The following DMD variants were observed in gnomAD, a reference collection of about 807,000 sequenced individuals.
DMD encodes mutant dystrophin.
Under a neutral mutation model 330.1 loss-of-function variants are expected in DMD, and 63 were observed. The ratio of observed to expected loss-of-function variants is 0.19; its 90% confidence interval spans 0.16 to 0.24. The LOEUF is 0.24. DMD is among the 10% of genes least tolerant of loss of function. DMD has a pLI of 1.00. For missense variants in DMD, 3,344 were observed against 2,684.1 expected (o/e 1.25, Z -5.43); for synonymous variants, 1,223 against 959.8 (o/e 1.27, Z -5.07).
chrX:31,958,096 GTTTTTTT>G (rs745655022), intron 45 of DMD, among the ~76,000 whole-genome samples: 1 of 74,594 alleles, frequency 1.3e-5, no homozygotes, highest in African/African-American at 5.2e-5. Flanking sequence ...CATTTGGCCT[GTTTTTTT>G]TTTTTTTTTT....
chrX:31,510,441 GT>G, intron 55 of DMD, among the ~76,000 whole-genome samples: 1 of 108,271 alleles, frequency 9.2e-6, no homozygotes, highest in Non-Finnish European at 1.9e-5. Flanking sequence ...GCATTCTTGA[GT>G]TTGATAAAAT....
intron 60 of DMD, among the ~76,000 whole-genome samples, chrX:31,407,809 G>A (rs943122755): frequency 9.0e-6 from 1 of 110,777 alleles, no homozygotes; most frequent in African/African-American, 3.3e-5. Context: ...ATCACTCAAC[G>A]TACAGCTCAA....
chrX:32,019,721 A>T (rs2095793750), intron 44 of DMD, among the ~76,000 whole-genome samples: 1 of 112,317 alleles, frequency 8.9e-6, no homozygotes, highest in African/African-American at 3.2e-5. Flanking sequence ...TTTGTTCCTA[A>T]GTCTTGTGTT....
rs553024876 is a variant in DMD, at chrX:32,441,807, C to T, written c.3787-493G>A. Among the ~76,000 whole-genome samples the T allele has an allele frequency of 1.0e-3, 111 of 111,375 alleles. 1 individual carries two copies. The highest frequency in any genetic ancestry group is 3.0e-3 in the African/African-American group (94 of 30,911). ...AAGAAGACATATTTTTAATGAAAATCTAAGACTTCTTTAAAGTGGCTCTAT... is the reference window on the plus strand; with the variant it reads ...AAGAAGACATATTTTTAATGAAAATTTAAGACTTCTTTAAAGTGGCTCTAT... On this transcript the variant is annotated intron_variant, in intron 27 of 78. Transcript: ENST00000357033.
intron 7 of DMD, among the ~76,000 whole-genome samples, chrX:32,705,584 C>A (rs1603207974): frequency 9.0e-6 from 1 of 111,572 alleles, no homozygotes; most frequent in African/African-American, 3.3e-5. Flanking sequence ...GAGGACGAGG[C>A]AGGTGCATCG....
intron 25 of DMD, among the ~76,000 whole-genome samples, chrX:32,459,032 C>T (rs904618463): frequency 1.8e-5 from 2 of 110,376 alleles, no homozygotes; most frequent in Non-Finnish European, 3.8e-5. Context: ...AAAATGATGC[C>T]CAAAGGATAC....
At chrX:32,384,130 A>G (rs750150499) in intron 33 of DMD, among the ~76,000 whole-genome samples, 1 of 110,724 alleles carries the variant, frequency 9.0e-6, no homozygotes, top group East Asian at 2.8e-4. Context: ...TATAATTACA[A>G]AAACAATATA....
Position 31,275,155 on chromosome X carries a change from TTGTGTGTGTGTGTG to T in DMD, c.9225-14153_9225-14140del, listed in dbSNP as rs59068818. Among the ~76,000 whole-genome samples the T allele has an allele frequency of 6.6e-3, 637 of 96,428 alleles. 9 individuals carry two copies. The highest frequency in any genetic ancestry group is 0.02 in the African/African-American group (520 of 26,118). The allele number at this position is 96,428 out of a possible 115,157, so 83.7% of individuals were successfully genotyped here. A position where few individuals can be genotyped will look rare whatever the true frequency, so the allele number is the denominator to read the frequency against. The stretch of plus-strand genomic sequence containing the variant: ...ACCTAGTTAGTTCTTAAATCAGGTT[TTGTGTGTGTGTGTG>T]TGTGTGTGTGTGTGTGTGTGTGTGT... On this transcript the variant is annotated intron_variant, in intron 62 of 78. Coordinates refer to ENST00000357033, the MANE Select transcript of DMD (RefSeq NM_004006.3).
chrX:32,283,773 T>C (rs1245309469), intron 43 of DMD, among the ~76,000 whole-genome samples: 1 of 110,956 alleles, frequency 9.0e-6, no homozygotes, highest in Non-Finnish European at 1.9e-5. Flanking sequence ...ATACATGGTT[T>C]TTTTCACCCT....
intron 54 of DMD, among the ~76,000 whole-genome samples, chrX:31,630,808 A>G (rs1479819783): frequency 8.9e-6 from 1 of 111,923 alleles, no homozygotes; most frequent in African/African-American, 3.2e-5. Flanking sequence ...TACAAGTAAC[A>G]ATGACCAGAT....
At chrX:31,831,893 C>T (rs774473678) in intron 49 of DMD, among the ~76,000 whole-genome samples, 46 of 112,716 alleles carry the variant, frequency 4.1e-4, no homozygotes, top group South Asian at 1.1e-3. Context: ...CGAGCCACCG[C>T]GCCCAGTCGC....
intron 5 of DMD, among the ~76,000 whole-genome samples, chrX:32,822,397 CAT>C (rs1205375678): frequency 9.1e-6 from 1 of 110,269 alleles, no homozygotes; most frequent in Non-Finnish European, 1.9e-5. Context: ...CATATTTATA[CAT>C]ATGTGTATAA....
chrX:32,609,804 C>T (rs915667229), intron 12 of DMD, among the ~76,000 whole-genome samples: 2 of 110,801 alleles, frequency 1.8e-5, no homozygotes, highest in Admixed American at 9.6e-5. Flanking sequence ...ATATTCACAT[C>T]GGCAAATTCT....
intron 1 of DMD, among the ~76,000 whole-genome samples, chrX:33,055,217 AG>A (rs2094503083): frequency 9.0e-6 from 1 of 111,731 alleles, no homozygotes; most frequent in African/African-American, 3.3e-5. Flanking sequence ...TTTTTCCAAT[AG>A]GAAGGACCGA....
At chrX:31,297,658 A>C (rs1207292130) in intron 62 of DMD, among the ~76,000 whole-genome samples, 1 of 112,238 alleles carries the variant, frequency 8.9e-6, no homozygotes, top group Non-Finnish European at 1.9e-5. Flanking sequence ...GAGTTATCCT[A>C]ACATTGTGCA....
intron 7 of DMD, among the ~76,000 whole-genome samples, chrX:32,770,136 A>G (rs1359067737): frequency 8.9e-6 from 1 of 112,029 alleles, no homozygotes; most frequent in Non-Finnish European, 1.9e-5. Context: ...AGGCAGGCAT[A>G]GAAAGCCGGA....
chrX:32,940,969 G>A (rs1252532564), intron 2 of DMD, among the ~76,000 whole-genome samples: 3 of 110,648 alleles, frequency 2.7e-5, no homozygotes, highest in South Asian at 3.8e-4. Flanking sequence ...AAAATACAAC[G>A]CCATCAAAAA....
At chrX:31,814,466 G>A (rs2092559137) in intron 50 of DMD, among the ~76,000 whole-genome samples, 1 of 71,214 alleles carries the variant, frequency 1.4e-5, no homozygotes, top group African/African-American at 5.9e-5. Context: ...CTGGGCGACA[G>A]AGTGAGACTC....
chrX:31,991,758 CT>C (rs1182436656), intron 44 of DMD, among the ~76,000 whole-genome samples: 1 of 42,657 alleles, frequency 2.3e-5, no homozygotes, highest in African/African-American at 7.5e-5. Flanking sequence ...GGGTTACAGA[CT>C]TTAAAAAAAA....
Sources: gnomAD v4.1 joint callset for allele counts (sites outside exome capture counted in the v4.1 genomes callset) on GRCh38, gnomAD v4.1.1 for gene constraint, MANE v1.5 for transcripts, NCBI Gene and HGNC (gene_info 2026-07-23, HGNC 2026-07-21) for gene names.